The following PAPLN variants were observed in gnomAD, a reference collection of about 807,000 sequenced individuals.
PAPLN encodes the protein papilin.
Under a neutral mutation model 159.0 loss-of-function variants are expected in PAPLN, and 146 were observed. That is an observed-to-expected ratio of 0.92 (90% CI 0.80 to 1.05). PAPLN has a LOEUF of 1.05. Among genes scored for constraint, PAPLN ranks in the 50% least tolerant of loss-of-function variants. The pLI is 0.00. For missense variants in PAPLN, 1,720 were observed against 1,743.9 expected (o/e 0.99, Z 0.24); for synonymous variants, 734 against 702.9 (o/e 1.04, Z -0.70).
At chr14:73,253,063 G>T in intron 11 of PAPLN, 2 of 1,277,732 alleles carry the variant, frequency 1.6e-6, no homozygotes. Flanking sequence ...GTCTGTCTGA[G>T]CCAGCAGAGG....
Position 73,249,998 on chromosome 14 carries a change from G to A in PAPLN, c.349G>A (p.Glu117Lys), listed in dbSNP as rs1594792665. Residue 117 changes from glutamate to lysine, a missense_variant, in exon 6 of 27, where the codon GAA (glutamate) becomes AAA (lysine). Transcript: ENST00000644200. ...GCCCACCCCAGCCCCAAACAAGTGT[G>A]AACTGAACTGCATTCCCAAGGGGGA... ...LPYYSAPNKC[E>K]LNCIPKGENF... 2 of 1,610,176 alleles carry A rather than the reference G, an allele frequency of 1.2e-6. No individual in the cohort carries two copies. Among genetic ancestry groups the A allele is most frequent in the Middle Eastern group, 1.7e-4 (1 of 6,048 alleles).
intron 9 of PAPLN, 79 bp downstream of exon 9, chr14:73,251,915 G>T (rs935234381): frequency 2.6e-6 from 4 of 1,546,520 alleles, no homozygotes; most frequent in Non-Finnish European, 2.6e-6. Context: ...TACATGGGGG[G>T]TTGAGTGGCT....
chr14:73,239,874 G>T lies in PAPLN; in HGVS notation c.54+42G>T, dbSNP rs754094411. 7 of 1,528,988 alleles carry T rather than the reference G, an allele frequency of 4.6e-6. No homozygotes were observed. The East Asian group carries it at 1.5e-4, about 32-fold the overall frequency. 94.7% of individuals were successfully genotyped at this position (1,528,988 alleles called of 1,614,324 possible). A position where few individuals can be genotyped will look rare whatever the true frequency, so the allele number is the denominator to read the frequency against. On this transcript the variant is annotated intron_variant, in intron 2 of 26. Coordinates refer to ENST00000644200, the MANE Select transcript of PAPLN (RefSeq NM_001365906.3). ...CCCGGCCCCCGGAGGAACCTGCAGG[G>T]GAGTCGGGGGCGGGGACGCGCGGGC... is the stretch of plus-strand genomic sequence containing the variant.
intron 14 of PAPLN, among the ~76,000 whole-genome samples, chr14:73,256,532 CAA>C (rs57667060): frequency 1.9e-4 from 18 of 92,688 alleles, no homozygotes; most frequent in Non-Finnish European, 2.1e-4. Flanking sequence ...GACTCTGTCT[CAA>C]AAAAAAAAAA....
chr14:73,246,304 C>T (rs1478137087), intron 5 of PAPLN, 129 bp downstream of exon 5: 11 of 840,520 alleles, frequency 1.3e-5, no homozygotes, highest in Non-Finnish European at 1.5e-5. Flanking sequence ...CTGTGTTGCC[C>T]AGGCTGGTCT....
chr14:73,257,001 G>T (rs1885986388), intron 14 of PAPLN, among the ~76,000 whole-genome samples: 1 of 152,108 alleles, frequency 6.6e-6, no homozygotes, highest in African/African-American at 2.4e-5. Context: ...TTTGAGACAG[G>T]GTCTCTGTTG....
At chr14:73,259,855 C>G (rs1336205023) in intron 16 of PAPLN, among the ~76,000 whole-genome samples, 1 of 152,150 alleles carries the variant, frequency 6.6e-6, no homozygotes, top group African/African-American at 2.4e-5. Context: ...CAGATCTAAC[C>G]AGGCTCAGGG....
chr14:73,264,285 G>A lies in PAPLN; in HGVS notation c.2936G>A (p.Gly979Asp), dbSNP rs748774841. ...QAEDAGTYSCGSTRPGRDSQK... is the reference protein window; with the variant it reads ...QAEDAGTYSCDSTRPGRDSQK... ...GAGGACGCGGGCACCTACAGCTGTG[G>A]CAGCACCCGGCCAGGCCGCGACTCC... The change falls in exon 21 of 27, where the codon GGC becomes GAC. Residue 979 changes from glycine to aspartate, a missense_variant. Physicochemically the swap from Gly to Asp is moderately conservative, Grantham distance 94 (BLOSUM62 -1). Transcript: ENST00000644200. 3 of 1,613,824 alleles carry A rather than the reference G, an allele frequency of 1.9e-6. No individual in the cohort carries two copies. Among genetic ancestry groups the A allele is most frequent in the African/African-American group, 1.3e-5 (1 of 74,896 alleles).
In PAPLN at chr14:73,272,673, G is replaced by T. The variant is rs1242962212; in HGVS notation, c.*9G>T. The T allele has an allele frequency of 1.0e-5, 16 of 1,556,070 alleles. No individual in the cohort carries two copies. The Admixed American group carries it at 1.7e-4, about 17-fold the overall frequency. On this transcript the variant is annotated 3_prime_UTR_variant, in exon 27 of 27. Coordinates refer to ENST00000644200, the MANE Select transcript of PAPLN (RefSeq NM_001365906.3). ...AGCCCATCTGGCAGTAGGGATGAAGGCTAGTTCCAGCCCCAGTCCAAAATA... is the reference window on the plus strand; with the variant it reads ...AGCCCATCTGGCAGTAGGGATGAAGTCTAGTTCCAGCCCCAGTCCAAAATA...
At chr14:73,249,926 C>T in intron 5 of PAPLN, 58 bp from the exon 6 acceptor site, 2 of 1,536,680 alleles carry the variant, frequency 1.3e-6, no homozygotes, top group South Asian at 1.3e-5. Context: ...AGCCTTGGGT[C>T]TTGGGGAGGG....
chr14:73,261,008 G>C, intron 17 of PAPLN, 148 bp from the exon 18 acceptor site: 4 of 1,433,574 alleles, frequency 2.8e-6, no homozygotes, highest in South Asian at 1.3e-5. Context: ...GGTGGATCAG[G>C]GGTTTCATCC....
intron 2 of PAPLN, among the ~76,000 whole-genome samples, chr14:73,240,897 G>C (rs964688699): frequency 1.3e-5 from 2 of 152,164 alleles, no homozygotes; most frequent in African/African-American, 4.8e-5. Flanking sequence ...TCCTGCCCCA[G>C]GAGAAATCTC....
At position 73,250,996 on chromosome 14, in the gene PAPLN, C is replaced by G; in HGVS notation, c.555C>G (p.Val185=). Residue 185 remains valine (V), a synonymous_variant, in exon 7 of 27, where the codon GTC becomes GTG. Coordinates refer to ENST00000644200, the MANE Select transcript of PAPLN (RefSeq NM_001365906.3). The stretch of plus-strand genomic sequence containing the variant: ...GTGACGGCACGACCTGCTACCCCGT[C>G]GCAGGCACCTTTGACGCTAATGACC... The part of the protein sequence containing the change: ...CGGDGTTCYP[V]AGTFDANDLS... The G allele has an allele frequency of 6.2e-7, 1 of 1,613,482 alleles. No homozygotes were observed. Among genetic ancestry groups the G allele is most frequent in the East Asian group, 2.2e-5 (1 of 44,860 alleles).
chr14:73,251,498 T>A lies in PAPLN; in HGVS notation c.602T>A (p.Ile201Asn). Reference sequence around the variant, plus strand: ...TCTCTGCCCCCAGGCTACAACCAGATCCTCATAGTTCCCATGGGTGCCACC... The same window carrying A: ...TCTCTGCCCCCAGGCTACAACCAGAACCTCATAGTTCCCATGGGTGCCACC... ...ANDLSRGYNQ[I>N]LIVPMGATSI... The change falls in exon 8 of 27, where the codon ATC becomes AAC. Residue 201 changes from isoleucine (I) to asparagine (N), a missense_variant. Coordinates refer to ENST00000644200, the MANE Select transcript of PAPLN (RefSeq NM_001365906.3). 33 of 1,608,090 alleles carry A rather than the reference T, an allele frequency of 2.1e-5. No homozygotes were observed. The highest frequency in any genetic ancestry group is 2.7e-5 in the Non-Finnish European group (32 of 1,179,816).
At chr14:73,264,525 C>A in intron 21 of PAPLN, 63 bp from the exon 22 acceptor site, 1 of 1,549,186 alleles carries the variant, frequency 6.5e-7, no homozygotes. Context: ...TCTCATGGCC[C>A]GCCCTTCCTT....
chr14:73,246,548 CT>C (rs1253143850), intron 5 of PAPLN, among the ~76,000 whole-genome samples: 2 of 151,092 alleles, frequency 1.3e-5, no homozygotes, highest in African/African-American at 2.4e-5. Context: ...TTTTCTTTAT[CT>C]TTTTTTCTTT....
chr14:73,245,812 C>A lies in PAPLN; in HGVS notation c.231+116C>A. The A allele has an allele frequency of 1.5e-6, 2 of 1,337,362 alleles. No homozygotes were observed. Among genetic ancestry groups the A allele is most frequent in the Non-Finnish European group, 2.0e-6 (2 of 984,284 alleles). The allele number at this position is 1,337,362 out of a possible 1,614,324, so 82.8% of individuals were successfully genotyped here. ...CTGCTGGGTTGGCCCAGCCTGGGGT[C>A]CTCCCGCCAATCCACAGCAGGGCTG... On this transcript the variant is annotated intron_variant, in intron 4 of 26. Transcript: ENST00000644200. The surrounding 1 kb of genome is among the most constrained non-coding windows in gnomAD (Gnocchi z 4.2).
At position 73,246,189 on chromosome 14, in the gene PAPLN, G is replaced by C. The variant is rs1341755427; in HGVS notation, c.334+14G>C. On this transcript the variant is annotated intron_variant, in intron 5 of 26. Coordinates refer to ENST00000644200, the MANE Select transcript of PAPLN (RefSeq NM_001365906.3). ...CCTACTACAGCGGTGAGCGCGGCCG[G>C]GACTCGCTCTCTCGGGGCCTCTTGT... 1 of 1,563,436 alleles carries C rather than the reference G, an allele frequency of 6.4e-7. No homozygotes were observed.
At chr14:73,239,626 C>T in intron 1 of PAPLN, 147 bp from the exon 2 acceptor site, 5 of 1,396,010 alleles carry the variant, frequency 3.6e-6, no homozygotes, top group Non-Finnish European at 4.7e-6. Context: ...GTGTTCTCTG[C>T]GGTGCACCGA....
Sources: allele counts gnomAD v4.1 joint callset (sites outside exome capture counted in the v4.1 genomes callset), GRCh38; gene constraint gnomAD v4.1.1; non-coding constraint Gnocchi (gnomAD v3.1); transcripts MANE v1.5; gene names NCBI Gene and HGNC (gene_info 2026-07-23, HGNC 2026-07-21).